CAPN13: variants seen among roughly 807,000 people sequenced by gnomAD.
CAPN13 encodes the protein calpain 13, also known as calpain-13.
CAPN13 carries 90 observed loss-of-function variants against 98.4 expected under a neutral mutation model. That is an observed-to-expected ratio of 0.92 (90% CI 0.77 to 1.09). The LOEUF is 1.09. CAPN13 is among the 50% of genes least tolerant of loss of function. CAPN13 has a pLI of 0.00. For synonymous variants in CAPN13, 330 were observed against 305.5 expected (o/e 1.08, Z -0.84); for missense variants, 887 against 841.3 (o/e 1.05, Z -0.67).
At chr2:30,777,259 T>C (rs1384503556) in intron 3 of CAPN13, among the ~76,000 whole-genome samples, 1 of 152,252 alleles carries the variant, frequency 6.6e-6, no homozygotes, top group East Asian at 1.9e-4. Context: ...GCTAACTGAG[T>C]GTGTGACATT....
intron 1 of CAPN13, among the ~76,000 whole-genome samples, chr2:30,798,882 A>T (rs577082062): frequency 3.3e-5 from 5 of 152,288 alleles, no homozygotes; most frequent in Non-Finnish European, 7.4e-5. Flanking sequence ...CTCTGCTGAC[A>T]AGGAACAAGG....
At chr2:30,781,306 T>C (rs1673972646) in intron 2 of CAPN13, among the ~76,000 whole-genome samples, 1 of 152,334 alleles carries the variant, frequency 6.6e-6, no homozygotes, top group South Asian at 2.1e-4. Context: ...TGTTTTCAGA[T>C]CCTGTGAGAT....
intron 11 of CAPN13, among the ~76,000 whole-genome samples, chr2:30,749,650 G>C (rs1672077710): frequency 6.6e-6 from 1 of 152,154 alleles, no homozygotes; most frequent in Admixed American, 6.5e-5. Flanking sequence ...TGAAGGTTTG[G>C]GGGACCTCTG....
intron 4 of CAPN13, among the ~76,000 whole-genome samples, chr2:30,771,355 C>T (rs933253649): frequency 1.3e-5 from 2 of 152,202 alleles, no homozygotes; most frequent in Non-Finnish European, 2.9e-5. Flanking sequence ...CGCTTATCCA[C>T]GTGGCCTTTT....
rs1245723760 is a variant in CAPN13, at chr2:30,751,150, A to G, written c.1189T>C (p.Leu397=). The change falls in exon 11 of 23, where the codon TTG becomes CTG. Residue 397 remains leucine (L), a synonymous_variant. Transcript: ENST00000295055. Reference sequence around the variant, plus strand: ...GGAAATTTTGCATCTTCTGCTTTCAAATTTGATGGTGTGACAGCAACTGTG... The same window carrying G: ...GGAAATTTTGCATCTTCTGCTTTCAGATTTGATGGTGTGACAGCAACTGTG... The part of the protein sequence containing the change: ...CVTVAVTPSN[L]KAEDAKFPLD... The G allele has an allele frequency of 1.2e-6, 2 of 1,613,874 alleles. No individual in the cohort carries two copies. The highest frequency in any genetic ancestry group is 1.7e-6 in the Non-Finnish European group (2 of 1,179,828).
rs370062947 is a variant in CAPN13, at chr2:30,731,360, T to G, written c.1967A>C (p.Tyr656Ser). 53 of 1,610,692 alleles carry G rather than the reference T, an allele frequency of 3.3e-5. No individual in the cohort carries two copies. The highest frequency in any genetic ancestry group is 4.0e-5 in the Non-Finnish European group (47 of 1,178,456). Residue 656 changes from tyrosine to serine, a missense_variant, in exon 21 of 23, where the codon TAC becomes TCC. Coordinates refer to ENST00000295055, the MANE Select transcript of CAPN13 (RefSeq NM_144575.3). The stretch of plus-strand genomic sequence containing the variant: ...GTACCTCACCTCCATTTCTGTCAGG[T>G]AGAGTCCTTTTCCATCCTTAGAGAG... Reference protein sequence around the residue: ...RNLSKDGKGLYLTEMEWMSLV... With the variant: ...RNLSKDGKGLSLTEMEWMSLV...
rs1238009296 is a variant in CAPN13, at chr2:30,758,092, G to T, written c.820C>A (p.Pro274Thr). The change falls in exon 8 of 23, where the codon CCC (proline) becomes ACC (threonine). Residue 274 changes from proline (P) to threonine (T), a missense_variant. Coordinates refer to ENST00000295055, the MANE Select transcript of CAPN13 (RefSeq NM_144575.3). The part of the protein sequence containing the change: ...GWEEIISLWN[P>T]WGWGEAEWRG... ...CATTCGGCCTCGCCCCAGCCCCAGG[G>T]GTTCCACAGGGAGATAATTTCTTCC... The T allele has an allele frequency of 3.1e-6, 5 of 1,610,604 alleles. No homozygotes were observed. The highest frequency in any genetic ancestry group is 4.2e-6 in the Non-Finnish European group (5 of 1,178,626).
intron 1 of CAPN13, among the ~76,000 whole-genome samples, chr2:30,787,781 A>AG (rs1674381850): frequency 6.6e-6 from 1 of 152,138 alleles, no homozygotes; most frequent in Non-Finnish European, 1.5e-5. Context: ...GAGGGTGGGT[A>AG]GGAAGTGTTG....
intron 2 of CAPN13, among the ~76,000 whole-genome samples, chr2:30,780,729 C>CT (rs1289534792): frequency 6.6e-6 from 1 of 152,182 alleles, no homozygotes; most frequent in Non-Finnish European, 1.5e-5. Context: ...GTCCTCTAAG[C>CT]TGCTTGTTCC....
chr2:30,730,840 C>T, intron 21 of CAPN13, 54 bp from the exon 22 acceptor site: 1 of 779,486 alleles, frequency 1.3e-6, no homozygotes, highest in Non-Finnish European at 2.4e-6. Flanking sequence ...TAGCTTAATA[C>T]AGAGCAGGGC....
chr2:30,793,359 A>G (rs1674700675), intron 1 of CAPN13, among the ~76,000 whole-genome samples: 1 of 151,694 alleles, frequency 6.6e-6, no homozygotes, highest in South Asian at 2.1e-4. Flanking sequence ...AATACAAAAT[A>G]CTTGGGAAAA....
intron 1 of CAPN13, among the ~76,000 whole-genome samples, chr2:30,802,885 C>A (rs139670570): frequency 6.6e-6 from 1 of 152,174 alleles, no homozygotes; most frequent in African/African-American, 2.4e-5. Flanking sequence ...GGAATCCCCA[C>A]GCCCACCTAG....
At position 30,801,688 on chromosome 2, in the gene CAPN13, C is replaced by T. The variant is rs142753883; in HGVS notation, c.-33+5614G>A. On this transcript the variant is annotated intron_variant, in intron 1 of 22. Coordinates refer to ENST00000295055, the MANE Select transcript of CAPN13 (RefSeq NM_144575.3). Reference sequence around the variant, plus strand: ...TGAGGCAGAGGCCAAGACAGAGCAACCACACAAAGAGAAAGTCAAAGACTG... The same window carrying T: ...TGAGGCAGAGGCCAAGACAGAGCAATCACACAAAGAGAAAGTCAAAGACTG... Among the ~76,000 whole-genome samples the T allele has an allele frequency of 2.0e-5, 3 of 150,632 alleles. No individual in the cohort carries two copies. In the East Asian group the frequency reaches 5.9e-4, roughly 29 times the overall value.
chr2:30,735,335 CA>C (rs1224607905), intron 18 of CAPN13, among the ~76,000 whole-genome samples: 2 of 152,186 alleles, frequency 1.3e-5, no homozygotes, highest in Admixed American at 1.3e-4. Flanking sequence ...TAGCTGTCCC[CA>C]GGAGCTACTC....
In CAPN13 at chr2:30,770,367, G is replaced by C. The variant is rs770560180; in HGVS notation, c.470C>G (p.Pro157Arg). Residue 157 changes from proline (P) to arginine (R), a missense_variant, in exon 5 of 23, where the codon CCT becomes CGT. Physicochemically the swap from Pro to Arg is moderately radical, Grantham distance 103. Coordinates refer to ENST00000295055, the MANE Select transcript of CAPN13 (RefSeq NM_144575.3). ...VQGDKCLFVRPRHQNQEFWPC... is the reference protein window; with the variant it reads ...VQGDKCLFVRRRHQNQEFWPC... ...CCAGAACTCTTGGTTTTGGTGGCGA[G>C]GACGCACAAAGAGGCATTTATCTCC... The C allele has an allele frequency of 1.5e-5, 25 of 1,613,880 alleles. No individual in the cohort carries two copies. In the African/African-American group the frequency reaches 3.3e-4, roughly 22 times the overall value.
chr2:30,725,797 C>T (rs145591547), intron 22 of CAPN13, among the ~76,000 whole-genome samples: 1 of 152,106 alleles, frequency 6.6e-6, no homozygotes, highest in African/African-American at 2.4e-5. Context: ...GACCAGGACA[C>T]TTTCAACTTT....
At chr2:30,743,633 C>A in intron 12 of CAPN13, 54 bp from the exon 13 acceptor site, 2 of 1,536,034 alleles carry the variant, frequency 1.3e-6, no homozygotes, top group South Asian at 2.2e-5. Context: ...GTGCATGGAC[C>A]CCAGTCACCA....
At chr2:30,805,018 C>CT (rs1245254116) in intron 1 of CAPN13, among the ~76,000 whole-genome samples, 1 of 152,148 alleles carries the variant, frequency 6.6e-6, no homozygotes, top group Admixed American at 6.5e-5. Context: ...CTCTTGGTCC[C>CT]TTTTTTACTC....
At chr2:30,731,214 G>T in intron 21 of CAPN13, 130 bp downstream of exon 21, 1 of 737,702 alleles carries the variant, frequency 1.4e-6, no homozygotes, top group Non-Finnish European at 2.1e-6. Context: ...GTAATTGGAG[G>T]TTGGGGGGAC....
Sources: gnomAD v4.1 joint callset for allele counts (sites outside exome capture counted in the v4.1 genomes callset) on GRCh38, gnomAD v4.1.1 for gene constraint, MANE v1.5 for transcripts, NCBI Gene and HGNC (gene_info 2026-07-23, HGNC 2026-07-21) for gene names.